CYP39A1: variants seen among roughly 807,000 people sequenced by gnomAD.
CYP39A1 encodes cytochrome P450 family 39 subfamily A member 1.
Under a neutral mutation model 58.1 loss-of-function variants are expected in CYP39A1, and 49 were observed. That is an observed-to-expected ratio of 0.84 (90% CI 0.67 to 1.07). The LOEUF is 1.07. Ranked by LOEUF, CYP39A1 falls within the 50% of genes least tolerant of loss-of-function variation. CYP39A1 has a pLI of 0.00. For synonymous variants in CYP39A1, 209 were observed against 187.6 expected, an observed-to-expected ratio of 1.11 and a Z score of -0.93; for missense variants, 531 against 539.4, an observed-to-expected ratio of 0.98 and a Z score of 0.16.
intron 7 of CYP39A1, among the ~76,000 whole-genome samples, chr6:46,603,343 T>C (rs1773631738): frequency 6.6e-6 from 1 of 152,246 alleles, no homozygotes; most frequent in Non-Finnish European, 1.5e-5. Context: ...AGCTACTCTA[T>C]GTTTACTTAT....
chr6:46,587,341 T>C (rs1772531293), intron 9 of CYP39A1, among the ~76,000 whole-genome samples, 176 bp from the exon 10 acceptor site: 1 of 152,142 alleles, frequency 6.6e-6, no homozygotes, highest in Admixed American at 6.6e-5. Context: ...TTCTGGAACA[T>C]GAACTTATAA....
chr6:46,593,231 C>T (rs9296498), intron 8 of CYP39A1, among the ~76,000 whole-genome samples: 3,973 of 152,180 alleles, frequency 0.026, 184 homozygotes, highest in African/African-American at 0.089. Context: ...GGGTATTGTG[C>T]ATGCAAGAGT....
At chr6:46,612,471 CT>C (rs1253321738) in intron 7 of CYP39A1, among the ~76,000 whole-genome samples, 3 of 152,092 alleles carry the variant, frequency 2.0e-5, no homozygotes, top group Non-Finnish European at 1.5e-5. Flanking sequence ...TTTATAAATA[CT>C]TTTTTAAGTA....
intron 10 of CYP39A1, chr6:46,586,564 A>G (rs1191309751): frequency 2.0e-6 from 2 of 986,062 alleles, no homozygotes; most frequent in Non-Finnish European, 2.4e-6. Context: ...AGGGTATCAC[A>G]CTGAGGAGGA....
At chr6:46,561,694 G>C (rs1438408063) in intron 10 of CYP39A1, among the ~76,000 whole-genome samples, 1 of 151,974 alleles carries the variant, frequency 6.6e-6, no homozygotes, top group Non-Finnish European at 1.5e-5. Flanking sequence ...GTGGAAACGG[G>C]GTTTCTCGAA....
At chr6:46,607,810 G>C (rs1430175238) in intron 7 of CYP39A1, among the ~76,000 whole-genome samples, 1 of 152,150 alleles carries the variant, frequency 6.6e-6, no homozygotes, top group East Asian at 1.9e-4. Flanking sequence ...GATTTAAAGA[G>C]TGCAACCCCA....
chr6:46,646,742 G>A (rs1484026732), intron 1 of CYP39A1, among the ~76,000 whole-genome samples: 2 of 152,050 alleles, frequency 1.3e-5, no homozygotes, highest in Non-Finnish European at 2.9e-5. Context: ...CCTTAATAGT[G>A]TAGGGCTATT....
chr6:46,586,591 TAATTTAACTATAA>T, intron 10 of CYP39A1: 3 of 984,566 alleles, frequency 3.0e-6, no homozygotes, highest in Non-Finnish European at 3.6e-6. Flanking sequence ...GGTGCCAGAT[TAATTTAACTATAA>T]AAGGTATCAA....
intron 10 of CYP39A1, among the ~76,000 whole-genome samples, chr6:46,559,189 C>A (rs571881930): frequency 2.6e-5 from 4 of 152,206 alleles, no homozygotes; most frequent in South Asian, 4.1e-4. Flanking sequence ...CCAAGGACAA[C>A]CATGGACAGT....
At chr6:46,651,093 T>C (rs996348597) in intron 1 of CYP39A1, among the ~76,000 whole-genome samples, 1 of 152,238 alleles carries the variant, frequency 6.6e-6, no homozygotes, top group Non-Finnish European at 1.5e-5. Flanking sequence ...TATTCATACT[T>C]CTTTTTCCAA....
intron 6 of CYP39A1, among the ~76,000 whole-genome samples, chr6:46,630,743 G>A (rs1775606960): frequency 6.6e-6 from 1 of 152,184 alleles, no homozygotes; most frequent in African/African-American, 2.4e-5. Context: ...CCTTTCAGAG[G>A]ACAGAATTTG....
intron 5 of CYP39A1, among the ~76,000 whole-genome samples, chr6:46,632,030 T>C (rs1271169993): frequency 6.6e-6 from 1 of 152,194 alleles, no homozygotes; most frequent in African/African-American, 2.4e-5. Context: ...GCAAGTACTG[T>C]TTTAAGTGTA....
At chr6:46,641,593 A>G (rs1343656509) in intron 2 of CYP39A1, among the ~76,000 whole-genome samples, 3 of 152,168 alleles carry the variant, frequency 2.0e-5, no homozygotes, top group African/African-American at 7.2e-5. Flanking sequence ...AGTACACACA[A>G]TTGCAGCCTA....
chr6:46,561,139 T>C lies in CYP39A1; in HGVS notation c.1251-7285A>G, dbSNP rs149387777. Reference sequence around the variant, plus strand: ...AGAATATTAGGAAGTAGTGACTTCCTAGCATTCAATATTTACTTGGCAGCT... The same window carrying C: ...AGAATATTAGGAAGTAGTGACTTCCCAGCATTCAATATTTACTTGGCAGCT... On this transcript the variant is annotated intron_variant, in intron 10 of 11. Coordinates refer to ENST00000275016, the MANE Select transcript of CYP39A1 (RefSeq NM_016593.5). Among the ~76,000 whole-genome samples, 389 of 152,304 alleles carry C rather than the reference T, an allele frequency of 2.6e-3. 2 individuals carry two copies. The highest frequency in any genetic ancestry group is 9.0e-3 in the African/African-American group (376 of 41,580).
chr6:46,632,303 A>G (rs1293152163), intron 5 of CYP39A1, among the ~76,000 whole-genome samples: 1 of 152,184 alleles, frequency 6.6e-6, no homozygotes, highest in Non-Finnish European at 1.5e-5. Context: ...TGGACAGGCC[A>G]GGTGCTAGAT....
Position 46,550,414 on chromosome 6 carries a change from G to A in CYP39A1, c.1362C>T (p.Val454=), listed in dbSNP as rs1296728665. The change falls in exon 12 of 12, where the codon GTC becomes GTT. Residue 454 remains valine (V), a synonymous_variant. Coordinates refer to ENST00000275016, the MANE Select transcript of CYP39A1 (RefSeq NM_016593.5). ...TTCGGCATTGCCCTTCCGGCTGGGGGACACCCACCAAATGGAGATAACTCT... is the reference window on the plus strand; with the variant it reads ...TTCGGCATTGCCCTTCCGGCTGGGGAACACCCACCAAATGGAGATAACTCT... ...PKQSYLHLVG[V]PQPEGQCRIE... 6 of 1,611,876 alleles carry A rather than the reference G, an allele frequency of 3.7e-6. No homozygotes were observed. In the Admixed American group the frequency reaches 5.0e-5, roughly 14 times the overall value.
intron 10 of CYP39A1, among the ~76,000 whole-genome samples, chr6:46,559,428 T>C (rs772663749): frequency 6.6e-6 from 1 of 152,208 alleles, no homozygotes; most frequent in Non-Finnish European, 1.5e-5. Flanking sequence ...TAAGTACTTT[T>C]CTCTAGGACT....
intron 7 of CYP39A1, among the ~76,000 whole-genome samples, chr6:46,602,706 A>G (rs1329191259): frequency 1.3e-5 from 2 of 151,260 alleles, no homozygotes; most frequent in East Asian, 3.9e-4. Context: ...AAAAAAAAAA[A>G]AAAAAAAGAA....
chr6:46,609,034 C>T (rs912439007), intron 7 of CYP39A1, among the ~76,000 whole-genome samples: 1 of 152,090 alleles, frequency 6.6e-6, no homozygotes, highest in Admixed American at 6.5e-5. Context: ...AAACAATAAA[C>T]ACTTTTGTAC....
Sources: allele counts gnomAD v4.1 joint callset (sites outside exome capture counted in the v4.1 genomes callset), GRCh38; gene constraint gnomAD v4.1.1; transcripts MANE v1.5; gene names NCBI Gene and HGNC (gene_info 2026-07-23, HGNC 2026-07-21).